ABCC4: variants seen among roughly 807,000 people sequenced by gnomAD.
The protein encoded by ABCC4 is ATP-binding cassette sub-family C member 4.
Under a neutral mutation model 168.5 loss-of-function variants are expected in ABCC4, and 102 were observed. The observed-to-expected ratio is 0.61, with a 90% confidence interval of 0.52 to 0.71. The LOEUF is 0.71. Among genes scored for constraint, ABCC4 ranks in the 30% least tolerant of loss-of-function variants. The pLI, the probability that ABCC4 is intolerant of heterozygous loss-of-function variation, is 0.00. For missense variants in ABCC4, 1,402 were observed against 1,605.8 expected, an observed-to-expected ratio of 0.87 and a Z score of 2.17; for synonymous variants, 617 against 590.7, an observed-to-expected ratio of 1.04 and a Z score of -0.65.
At chr13:95,131,294 A>G (rs1052253591) in intron 19 of ABCC4, among the ~76,000 whole-genome samples, 1 of 152,036 alleles carries the variant, frequency 6.6e-6, no homozygotes, top group Admixed American at 6.6e-5. Flanking sequence ...CACAACAAAA[A>G]CCCGCACAGG....
chr13:95,119,945 A>ACAG (rs1393779969), intron 19 of ABCC4, among the ~76,000 whole-genome samples: 2 of 152,104 alleles, frequency 1.3e-5, no homozygotes, highest in Non-Finnish European at 2.9e-5. Context: ...GTGCCTCCCT[A>ACAG]TGCCCACCCC....
At chr13:95,170,254 C>A in intron 14 of ABCC4, 1 of 304,008 alleles carries the variant, frequency 3.3e-6, no homozygotes, top group Non-Finnish European at 6.1e-6. Context: ...CCAAATAATA[C>A]AATTTGAATT....
chr13:95,283,850 A>T (rs2041191924), intron 1 of ABCC4, among the ~76,000 whole-genome samples: 1 of 143,610 alleles, frequency 7.0e-6, no homozygotes, highest in Admixed American at 7.1e-5. Context: ...GTGAGCCGAG[A>T]TCTCGTCATT....
intron 20 of ABCC4, among the ~76,000 whole-genome samples, chr13:95,103,947 T>C (rs9590184): frequency 0.034 from 5,102 of 152,168 alleles, 282 homozygotes; most frequent in African/African-American, 0.12. Flanking sequence ...TGTGCCTCCT[T>C]CTCCCCTACA....
At chr13:95,074,360 G>GC in intron 22 of ABCC4, 36 bp from the exon 23 acceptor site, 1 of 1,508,332 alleles carries the variant, frequency 6.6e-7, no homozygotes, top group Non-Finnish European at 9.1e-7. Context: ...TGATGAATAA[G>GC]TAGATGAATG....
chr13:95,254,593 A>G (rs1028168926), intron 1 of ABCC4, among the ~76,000 whole-genome samples: 6 of 152,168 alleles, frequency 3.9e-5, no homozygotes, highest in African/African-American at 1.4e-4. Context: ...CAGATTTTCC[A>G]AAGAAAAGAA....
intron 27 of ABCC4, among the ~76,000 whole-genome samples, chr13:95,051,107 A>T (rs539299038): frequency 6.6e-6 from 1 of 152,296 alleles, no homozygotes; most frequent in African/African-American, 2.4e-5. Flanking sequence ...TCACAAATTT[A>T]AATGAAATCA....
At chr13:95,194,798 T>C in intron 9 of ABCC4, 38 bp downstream of exon 9, 1 of 1,523,074 alleles carries the variant, frequency 6.6e-7, no homozygotes, top group Non-Finnish European at 9.1e-7. Context: ...TCACTCATTA[T>C]CTTCAGCAGT....
At chr13:95,209,648 G>A (rs771856350) in intron 5 of ABCC4, 51 bp from the exon 6 acceptor site, 13 of 1,535,466 alleles carry the variant, frequency 8.5e-6, no homozygotes, top group Non-Finnish European at 1.1e-5. Flanking sequence ...AGCAAAACCA[G>A]TAAGAACACA....
At chr13:95,093,687 G>A (rs2034505922) in intron 20 of ABCC4, among the ~76,000 whole-genome samples, 3 of 152,082 alleles carry the variant, frequency 2.0e-5, no homozygotes, top group South Asian at 2.1e-4. Flanking sequence ...TGGAAGTCCT[G>A]GCCAGATCAA....
chr13:95,229,887 C>T (rs573663843), intron 4 of ABCC4, among the ~76,000 whole-genome samples: 1 of 152,342 alleles, frequency 6.6e-6, no homozygotes, highest in East Asian at 1.9e-4. Context: ...CTTCCTCCAA[C>T]ATGGAGCCAA....
At chr13:95,246,934 T>C (rs763580092) in intron 3 of ABCC4, 41 bp downstream of exon 3, 8 of 1,601,546 alleles carry the variant, frequency 5.0e-6, no homozygotes, top group East Asian at 2.2e-5. Context: ...ATTTACTCTA[T>C]GTGTCCTGAA....
At chr13:95,190,073 A>G (rs926796491) in intron 9 of ABCC4, among the ~76,000 whole-genome samples, 26 of 152,008 alleles carry the variant, frequency 1.7e-4, no homozygotes, top group African/African-American at 4.8e-5. Flanking sequence ...CAGGGTACGG[A>G]CTGGTTCATG....
chr13:95,260,126 G>A (rs968919939), intron 1 of ABCC4, among the ~76,000 whole-genome samples: 1 of 152,208 alleles, frequency 6.6e-6, no homozygotes, highest in Non-Finnish European at 1.5e-5. Flanking sequence ...AGGTGATGCG[G>A]ATGCAGGTTC....
intron 25 of ABCC4, among the ~76,000 whole-genome samples, chr13:95,071,326 G>A (rs562150796): frequency 6.9e-4 from 105 of 152,300 alleles, no homozygotes; most frequent in African/African-American, 2.4e-3. Flanking sequence ...AGAAGGACTT[G>A]AGAAATGCAA....
intron 19 of ABCC4, among the ~76,000 whole-genome samples, chr13:95,124,946 C>T (rs2035705841): frequency 1.3e-5 from 2 of 151,688 alleles, no homozygotes; most frequent in Admixed American, 6.6e-5. Context: ...AGACCATTTT[C>T]TTAAGGCACC....
chr13:95,055,880 CA>C (rs1456513164), intron 26 of ABCC4: 1 of 148,760 alleles, frequency 6.7e-6, no homozygotes, highest in East Asian at 2.0e-4. Flanking sequence ...AAGACTGTCT[CA>C]AAACAACAGC....
chr13:95,052,111 G>T (rs1213548656), intron 27 of ABCC4, among the ~76,000 whole-genome samples: 2 of 152,118 alleles, frequency 1.3e-5, no homozygotes, highest in Non-Finnish European at 2.9e-5. Context: ...CTCCTGAGTA[G>T]CTGGGACTAC....
At chr13:95,276,570 T>C (rs1368494710) in intron 1 of ABCC4, among the ~76,000 whole-genome samples, 1 of 150,516 alleles carries the variant, frequency 6.6e-6, no homozygotes, top group Non-Finnish European at 1.5e-5. Context: ...AATCCCCAGC[T>C]GTGGAACCCA....
Sources: allele counts gnomAD v4.1 joint callset (sites outside exome capture counted in the v4.1 genomes callset), GRCh38; gene constraint gnomAD v4.1.1; transcripts MANE v1.5; gene names NCBI Gene and HGNC (gene_info 2026-07-23, HGNC 2026-07-21).